The following GABRB1 variants were observed in gnomAD, a reference collection of about 807,000 sequenced individuals.
GABRB1 encodes gamma-aminobutyric acid receptor subunit beta-1.
A neutral mutation model predicts 51.6 loss-of-function variants in GABRB1; 17 were observed. That is an observed-to-expected ratio of 0.33 (90% CI 0.23 to 0.49). The LOEUF is 0.49. Among genes scored for constraint, GABRB1 ranks in the 20% least tolerant of loss-of-function variants. The pLI is 0.99. For missense variants in GABRB1, 410 were observed against 600.6 expected (o/e 0.68, Z 3.32); for synonymous variants, 247 against 218.9 (o/e 1.13, Z -1.14).
intron 5 of GABRB1, among the ~76,000 whole-genome samples, chr4:47,378,843 T>C (rs922482167): frequency 1.3e-5 from 2 of 152,106 alleles, no homozygotes; most frequent in African/African-American, 4.8e-5. Flanking sequence ...GGAAATATAA[T>C]TGATTTAATT....
intron 4 of GABRB1, among the ~76,000 whole-genome samples, chr4:47,178,411 T>C (rs1442094): frequency 0.86 from 130,487 of 152,114 alleles, 55,978 homozygotes; most frequent in Middle Eastern, 0.92. Context: ...GCTCCTGTCC[T>C]TTAGAATCTC....
chr4:47,231,514 T>C (rs561719142), intron 4 of GABRB1, among the ~76,000 whole-genome samples: 1 of 152,286 alleles, frequency 6.6e-6, no homozygotes, highest in Admixed American at 6.5e-5. Flanking sequence ...GTAAATGTAC[T>C]TAGAAGGAAA....
chr4:47,423,125 A>G lies in GABRB1; in HGVS notation c.1081-2549A>G, dbSNP rs929197347. Among the ~76,000 whole-genome samples, 5 of 125,306 alleles carry G rather than the reference A, an allele frequency of 4.0e-5. No homozygotes were observed. The East Asian group carries it at 1.2e-3, about 30-fold the overall frequency. 82.2% of individuals were successfully genotyped at this position (125,306 alleles called of 152,430 possible). A position where few individuals can be genotyped will look rare whatever the true frequency, so the allele number is the denominator to read the frequency against. ...TATATGCTAAAGGATATGTGAATGG[A>G]AAAAAAAAAAGAGGTCCCTAACTGG... On this transcript the variant is annotated intron_variant, in intron 8 of 8. Coordinates refer to ENST00000295454, the MANE Select transcript of GABRB1 (RefSeq NM_000812.4).
intron 3 of GABRB1, among the ~76,000 whole-genome samples, chr4:47,132,149 T>C (rs1308054163): frequency 1.3e-5 from 2 of 152,228 alleles, no homozygotes; most frequent in East Asian, 3.8e-4. Flanking sequence ...CTCATTTCAC[T>C]AGAAAGCGTC....
intron 3 of GABRB1, among the ~76,000 whole-genome samples, chr4:47,067,466 T>G (rs1409334877): frequency 6.6e-6 from 1 of 152,162 alleles, no homozygotes; most frequent in Non-Finnish European, 1.5e-5. Context: ...CATTTAGAAT[T>G]TATTGTTTAG....
At chr4:47,070,996 C>T (rs983805841) in intron 3 of GABRB1, among the ~76,000 whole-genome samples, 2 of 152,108 alleles carry the variant, frequency 1.3e-5, no homozygotes, top group African/African-American at 2.4e-5. Flanking sequence ...TATTCCCAGC[C>T]GCTACTGTGA....
rs771908629 is a variant in GABRB1, at chr4:47,403,711, G to C, written c.835G>C (p.Gly279Arg). The change falls in exon 7 of 9, where the codon GGA (glycine) becomes CGA (arginine). Residue 279 changes from glycine (G) to arginine (R), a missense_variant and splice_region_variant. This residue lies in a region of GABRB1 where 37 missense variants were observed against 126.3 expected (regional missense o/e 0.29). Coordinates refer to ENST00000295454, the MANE Select transcript of GABRB1 (RefSeq NM_000812.4). Reference sequence around the variant, plus strand: ...TGCATCTGCAGCCAGAGTCGCACTAGGTAATACATTCTCAGCACTGCAGAG... The same window carrying C: ...TGCATCTGCAGCCAGAGTCGCACTACGTAATACATTCTCAGCACTGCAGAG... ...YDASAARVAL[G>R]ITTVLTMTTI... 6.2e-7 allele frequency: 1 copy of C among 1,611,910 alleles called. No individual in the cohort carries two copies. The highest frequency in any genetic ancestry group is 8.5e-7 in the Non-Finnish European group (1 of 1,179,796).
chr4:47,118,605 C>T (rs569075067), intron 3 of GABRB1, among the ~76,000 whole-genome samples: 4 of 152,192 alleles, frequency 2.6e-5, no homozygotes, highest in Admixed American at 2.0e-4. Context: ...TGGTTATGTA[C>T]GTGTGACCGC....
intron 3 of GABRB1, among the ~76,000 whole-genome samples, chr4:47,155,118 G>C (rs1170172637): frequency 1.3e-5 from 2 of 152,104 alleles, no homozygotes; most frequent in African/African-American, 2.4e-5. Context: ...GATGGGAGGA[G>C]AGCGGCCTCA....
At chr4:47,110,668 A>G (rs1419428555) in intron 3 of GABRB1, among the ~76,000 whole-genome samples, 4 of 152,168 alleles carry the variant, frequency 2.6e-5, no homozygotes, top group Non-Finnish European at 5.9e-5. Flanking sequence ...ATTTTCACTC[A>G]ATTAAAATAT....
chr4:47,331,759 A>C (rs1280389722), intron 5 of GABRB1, among the ~76,000 whole-genome samples: 1 of 152,152 alleles, frequency 6.6e-6, no homozygotes, highest in Non-Finnish European at 1.5e-5. Flanking sequence ...ACAATATCTA[A>C]TATTTATTAA....
At chr4:47,319,464 T>C (rs1461390085) in intron 4 of GABRB1, among the ~76,000 whole-genome samples, 1 of 152,172 alleles carries the variant, frequency 6.6e-6, no homozygotes, top group African/African-American at 2.4e-5. Context: ...TTTATTAATA[T>C]GTTGTATCAC....
At chr4:47,362,848 AAT>A (rs1446629575) in intron 5 of GABRB1, among the ~76,000 whole-genome samples, 1 of 152,182 alleles carries the variant, frequency 6.6e-6, no homozygotes, top group Non-Finnish European at 1.5e-5. Flanking sequence ...TACAAAGGTG[AAT>A]AAGACACAAT....
chr4:47,123,755 AT>A (rs1715955058), intron 3 of GABRB1, among the ~76,000 whole-genome samples: 4 of 88,758 alleles, frequency 4.5e-5, no homozygotes, highest in Admixed American at 1.9e-4. Context: ...TATATAATAT[AT>A]TATAATATAT....
rs139941895 is a variant in GABRB1 at position 47,140,445 on chromosome 4, T to C, written c.241-20804T>C. Among the ~76,000 whole-genome samples the C allele has an allele frequency of 3.9e-5, 6 of 152,104 alleles. No individual in the cohort carries two copies. The East Asian group carries it at 1.2e-3, about 30-fold the overall frequency. ...AATGGCATCCAAGTAGGTTAGATGG[T>C]AGGGAAATCTAGAAAATCCCAAAAG... On this transcript the variant is annotated intron_variant, in intron 3 of 8. Transcript: ENST00000295454.
chr4:47,053,453 A>C (rs947524234), intron 3 of GABRB1, among the ~76,000 whole-genome samples: 7 of 152,140 alleles, frequency 4.6e-5, no homozygotes, highest in Non-Finnish European at 7.4e-5. Context: ...CTGTATGCAT[A>C]TATATGACTT....
intron 4 of GABRB1, among the ~76,000 whole-genome samples, chr4:47,271,648 C>T (rs1722877354): frequency 6.6e-6 from 1 of 152,154 alleles, no homozygotes; most frequent in Admixed American, 6.6e-5. Context: ...AGGCTCCTTT[C>T]CAGTTTACCC....
rs201212237 is a variant in GABRB1 at position 47,303,382 on chromosome 4, CTCTCTA to C, written c.462-16743_462-16738del. Among the ~76,000 whole-genome samples, 863 of 126,824 alleles carry C rather than the reference CTCTCTA, an allele frequency of 6.8e-3. 4 individuals are homozygous for C. Among genetic ancestry groups the C allele is most frequent in the East Asian group, 0.051 (103 of 2,000 alleles). 83.2% of individuals were successfully genotyped at this position (126,824 alleles called of 152,430 possible). On this transcript the variant is annotated intron_variant, in intron 4 of 8. Coordinates refer to ENST00000295454, the MANE Select transcript of GABRB1 (RefSeq NM_000812.4). ...TTGAAGGTGTGCTCTCTCTCTCTCTCTCTCTATATATATATATATCATTCTAATAAT... is the reference window on the plus strand; with the variant it reads ...TTGAAGGTGTGCTCTCTCTCTCTCTCTATATATATATATCATTCTAATAAT...
At chr4:47,015,748 T>A (rs769962056) in intron 1 of GABRB1, among the ~76,000 whole-genome samples, 15 of 152,264 alleles carry the variant, frequency 9.9e-5, no homozygotes, top group Admixed American at 2.6e-4. Flanking sequence ...GTTTACTATC[T>A]GTGATCAACA....
Sources: gnomAD v4.1 joint callset for allele counts (sites outside exome capture counted in the v4.1 genomes callset) on GRCh38, gnomAD v4.1.1 for gene constraint, gnomAD v4.1.1 regional missense constraint, MANE v1.5 for transcripts, NCBI Gene and HGNC (gene_info 2026-07-23, HGNC 2026-07-21) for gene names.